The following TRPM1 variants were observed in gnomAD, a reference collection of about 807,000 sequenced individuals.
The protein encoded by TRPM1 is TRPM1-203 APA Isoform, Intron 10.
TRPM1 carries 113 observed loss-of-function variants against 149.4 expected under a neutral mutation model. The ratio of observed to expected loss-of-function variants is 0.76; its 90% CI spans 0.65 to 0.88. The LOEUF (loss-of-function observed/expected upper bound fraction) is 0.88, where lower values mean the gene tolerates loss of function less well. Among genes scored for constraint, TRPM1 ranks in the 40% least tolerant of loss-of-function variants. The pLI is 0.00. For missense variants in TRPM1, 1,976 were observed against 2,038.7 expected (o/e 0.97, Z 0.59); for synonymous variants, 741 against 759.5 (o/e 0.98, Z 0.40).
intron 27 of TRPM1, among the ~76,000 whole-genome samples, chr15:31,008,962 G>T (rs2032089218): frequency 6.6e-6 from 1 of 152,160 alleles, no homozygotes; most frequent in South Asian, 2.1e-4. Flanking sequence ...AGAAAGAGAA[G>T]ACTCATCTTT....
chr15:31,084,119 T>C (rs932033057), intron 1 of TRPM1, among the ~76,000 whole-genome samples: 12 of 152,142 alleles, frequency 7.9e-5, no homozygotes, highest in Admixed American at 7.9e-4. Context: ...CACTGAGAGA[T>C]CCTCCTCTAG....
At chr15:31,129,859 G>T (rs188207604) in intron 1 of TRPM1, among the ~76,000 whole-genome samples, 257 of 152,322 alleles carry the variant, frequency 1.7e-3, no homozygotes, top group Non-Finnish European at 2.7e-3. Flanking sequence ...GGCCACCTTG[G>T]CAGAGAAGAG....
chr15:31,076,817 G>T, intron 3 of TRPM1, 88 bp downstream of exon 3: 5 of 1,061,112 alleles, frequency 4.7e-6, no homozygotes, highest in Non-Finnish European at 7.4e-6. Context: ...CACCCTTCTG[G>T]ACTCCTCTTT....
At chr15:31,018,209 G>A (rs1020434403) in intron 27 of TRPM1, among the ~76,000 whole-genome samples, 2 of 151,276 alleles carry the variant, frequency 1.3e-5, no homozygotes, top group South Asian at 4.2e-4. Flanking sequence ...GTGCCACCAC[G>A]CCTGGCAATT....
intron 11 of TRPM1, among the ~76,000 whole-genome samples, chr15:31,054,274 A>G (rs1035852921): frequency 6.6e-6 from 1 of 151,148 alleles, no homozygotes; most frequent in Non-Finnish European, 1.5e-5. Context: ...CTCTCTCTTC[A>G]TTATGTTTTT....
At chr15:31,104,808 A>C (rs373768340), upstream of TRPM1, among the ~76,000 whole-genome samples, 13 of 151,854 alleles carry the variant, frequency 8.6e-5, no homozygotes, top group African/African-American at 2.9e-4. Context: ...GTTGGCCAGG[A>C]TGGTCTCAAT....
intron 25 of TRPM1, 71 bp from the exon 26 acceptor site, chr15:31,027,188 T>G: frequency 7.0e-7 from 1 of 1,438,530 alleles, no homozygotes; most frequent in East Asian, 2.4e-5. Flanking sequence ...CAGTCAAAGT[T>G]ACTCACATTT....
At position 31,046,242 on chromosome 15, in the gene TRPM1, T is replaced by C. The variant is rs774078252; in HGVS notation, c.1765-9A>G. The C allele has an allele frequency of 1.9e-6, 3 of 1,613,430 alleles. No individual in the cohort carries two copies. Among genetic ancestry groups the C allele is most frequent in the South Asian group, 2.2e-5 (2 of 91,074 alleles). ...AGTTTAAGAGCTTTAGGCTGCATGG[T>C]GAAAGAGGAAGAAAAAAAATCAATT... is the stretch of plus-strand genomic sequence containing the variant. On this transcript the variant is annotated splice_polypyrimidine_tract_variant and intron_variant, in intron 15 of 27. Transcript: ENST00000256552.
intron 1 of TRPM1, among the ~76,000 whole-genome samples, chr15:31,149,357 T>C (rs2036262952): frequency 6.6e-6 from 1 of 152,118 alleles, no homozygotes; most frequent in South Asian, 2.1e-4. Flanking sequence ...CTGGCCGTGC[T>C]TAAGAAACCA....
chr15:31,090,241 A>C lies in TRPM1; in HGVS notation c.-83-8803T>G, dbSNP rs569311926. Among the ~76,000 whole-genome samples, 42 of 152,222 alleles carry C rather than the reference A, an allele frequency of 2.8e-4. 3 individuals are homozygous for C. The highest frequency in any genetic ancestry group is 2.6e-3 in the Admixed American group (40 of 15,296). Reference sequence around the variant, plus strand: ...GGAGTCTTTTTGAGCCATTACACAGACAGCTTCCTCACCCTTCAACCAGCT... The same window carrying C: ...GGAGTCTTTTTGAGCCATTACACAGCCAGCTTCCTCACCCTTCAACCAGCT... On this transcript the variant is annotated intron_variant, in intron 1 of 27. Transcript: ENST00000256552.
upstream of TRPM1, among the ~76,000 whole-genome samples, chr15:31,105,486 CGT>C (rs1491110154): frequency 4.6e-5 from 7 of 150,704 alleles, no homozygotes; most frequent in East Asian, 9.7e-4. Context: ...CGCGCGCGCG[CGT>C]GCATCTGTAA....
intron 1 of TRPM1, among the ~76,000 whole-genome samples, chr15:31,121,826 C>A (rs1457051710): frequency 6.6e-6 from 1 of 152,062 alleles, no homozygotes; most frequent in Admixed American, 6.6e-5. Flanking sequence ...ATGAGGCCAG[C>A]ATTTCCCTAA....
intron 24 of TRPM1, 63 bp downstream of exon 24, chr15:31,029,308 A>G (rs2032946417): frequency 2.6e-6 from 4 of 1,539,604 alleles, no homozygotes; most frequent in Non-Finnish European, 3.6e-6. Context: ...GTAATCAGCT[A>G]AGGAAAAGGT....
At chr15:31,100,797 A>G (rs2035498048) in intron 1 of TRPM1, among the ~76,000 whole-genome samples, 1 of 152,172 alleles carries the variant, frequency 6.6e-6, no homozygotes, top group South Asian at 2.1e-4. Context: ...GTTTCATCCT[A>G]TGGACAGACC....
intron 15 of TRPM1, 27 bp from the exon 16 acceptor site, chr15:31,046,260 A>T: frequency 6.2e-7 from 1 of 1,611,684 alleles, no homozygotes; most frequent in Non-Finnish European, 8.5e-7. Context: ...GAAGAAAAAA[A>T]ATCAATTTAC....
In TRPM1 at chr15:31,042,122, A is replaced by T; in HGVS notation, c.1916T>A (p.Val639Glu). Residue 639 changes from valine (V) to glutamate (E), a missense_variant, in exon 17 of 28, where the codon GTG becomes GAG. Val to Glu is a moderately radical substitution (Grantham distance 121, BLOSUM62 -2). This residue lies in a region of TRPM1 where 1,332 missense variants were observed against 1,347.1 expected (regional missense o/e 0.99). Transcript: ENST00000256552. ...CTGGCGTTTCATCAGCACTGCCCAC[A>T]CCATCAGCTCGTGGAAGGGATACTG... ...RFQYPFHELM[V>E]WAVLMKRQKM... is the part of the protein sequence containing the mutation. 1 of 1,614,112 alleles carries T rather than the reference A, an allele frequency of 6.2e-7. No individual in the cohort carries two copies. The highest frequency in any genetic ancestry group is 8.5e-7 in the Non-Finnish European group (1 of 1,180,004).
At chr15:31,091,698 G>T (rs2035245111) in intron 1 of TRPM1, among the ~76,000 whole-genome samples, 1 of 152,134 alleles carries the variant, frequency 6.6e-6, no homozygotes, top group African/African-American at 2.4e-5. Flanking sequence ...GTTCCTCTGG[G>T]GCTGTCCTGA....
intron 27 of TRPM1, among the ~76,000 whole-genome samples, chr15:31,025,603 G>A (rs923176134): frequency 6.6e-6 from 1 of 152,108 alleles, no homozygotes; most frequent in South Asian, 2.1e-4. Flanking sequence ...CTAGTTTAGC[G>A]GATCCCACCC....
chr15:31,035,737 C>A lies in TRPM1; in HGVS notation c.2572-63G>T, dbSNP rs999671038. On this transcript the variant is annotated intron_variant, in intron 20 of 27. Coordinates refer to ENST00000256552, the MANE Select transcript of TRPM1 (RefSeq NM_001252024.2). Reference sequence around the variant, plus strand: ...ATCACATAGCAATCAAATTTTGAAACGCTGTTTTCTTTCAGGTTGACACAT... The same window carrying A: ...ATCACATAGCAATCAAATTTTGAAAAGCTGTTTTCTTTCAGGTTGACACAT... The A allele has an allele frequency of 6.2e-6, 10 of 1,611,358 alleles. No individual in the cohort carries two copies. The African/African-American group carries it at 1.3e-4, about 22-fold the overall frequency.
Sources: allele counts gnomAD v4.1 joint callset (sites outside exome capture counted in the v4.1 genomes callset), GRCh38; gene constraint gnomAD v4.1.1; regional missense constraint gnomAD v4.1.1; transcripts MANE v1.5; gene names NCBI Gene and HGNC (gene_info 2026-07-23, HGNC 2026-07-21).